The following A1CF variants were observed in gnomAD, a reference collection of about 807,000 sequenced individuals.
The protein encoded by A1CF is APOBEC1 complementation factor, also known as APOBEC-1 stimulating protein.
A neutral mutation model predicts 68.9 loss-of-function variants in A1CF; 48 were observed. That is an observed-to-expected ratio of 0.70 (90% CI 0.55 to 0.89). A1CF has a LOEUF of 0.89. A1CF is among the 40% of genes least tolerant of loss of function. The pLI, the probability that A1CF is intolerant of heterozygous loss-of-function variation, is 0.00. For missense variants in A1CF, 653 were observed against 718.9 expected (o/e 0.91, Z 1.05); for synonymous variants, 272 against 260.4 (o/e 1.04, Z -0.43).
chr10:50,841,514 G>T (rs1470804233), intron 5 of A1CF, among the ~76,000 whole-genome samples: 1 of 152,082 alleles, frequency 6.6e-6, no homozygotes, highest in Non-Finnish European at 1.5e-5. Flanking sequence ...TCCCTGGTTT[G>T]ATTTTTTCAT....
intron 3 of A1CF, among the ~76,000 whole-genome samples, chr10:50,846,464 T>A (rs562604348): frequency 1.3e-5 from 2 of 152,316 alleles, no homozygotes; most frequent in East Asian, 3.9e-4. Context: ...TGAGCCCATT[T>A]TTATGTATCT....
intron 1 of A1CF, among the ~76,000 whole-genome samples, chr10:50,875,370 A>G (rs1841461764): frequency 6.6e-6 from 1 of 152,218 alleles, no homozygotes; most frequent in Admixed American, 6.5e-5. Flanking sequence ...AGATATTTAT[A>G]TGACCACTGC....
chr10:50,859,650 A>G (rs1029770780), intron 3 of A1CF, among the ~76,000 whole-genome samples, 192 bp downstream of exon 3: 4 of 152,238 alleles, frequency 2.6e-5, no homozygotes, highest in Non-Finnish European at 5.9e-5. Context: ...TTGATAACCT[A>G]GAGTAGAAAG....
intron 5 of A1CF, among the ~76,000 whole-genome samples, chr10:50,836,647 G>C (rs949802986): frequency 6.6e-6 from 1 of 150,602 alleles, no homozygotes; most frequent in Non-Finnish European, 1.5e-5. Flanking sequence ...CCATTAACTC[G>C]TCATTTGCAT....
At chr10:50,883,031 A>C (rs1046500187) in intron 1 of A1CF, among the ~76,000 whole-genome samples, 3 of 152,192 alleles carry the variant, frequency 2.0e-5, no homozygotes, top group Non-Finnish European at 4.4e-5. Context: ...TGTGTGCTTT[A>C]ATACTAAAAA....
rs1838018784 is a variant in A1CF at position 50,809,935 on chromosome 10, C to T, written c.1568G>A (p.Gly523Asp). ...AGCAGCAGCAGCAGTAGCCATGGTGCCATCGCCTCCATCAGTGGGGATGCC... is the reference window on the plus strand; with the variant it reads ...AGCAGCAGCAGCAGTAGCCATGGTGTCATCGCCTCCATCAGTGGGGATGCC... ...TLGIPTDGGD[G>D]TMATAAAAAT... The change falls in exon 12 of 13, where the codon GGC (glycine) becomes GAC (aspartate). Residue 523 changes from glycine (G) to aspartate (D), a missense_variant. Gly to Asp is a moderately conservative substitution (Grantham distance 94). Coordinates refer to ENST00000373997, the MANE Select transcript of A1CF (RefSeq NM_014576.4). 1 of 1,613,880 alleles carries T rather than the reference C, an allele frequency of 6.2e-7. No homozygotes were observed. Among genetic ancestry groups the T allele is most frequent in the African/African-American group, 1.3e-5 (1 of 74,932 alleles).
intron 1 of A1CF, among the ~76,000 whole-genome samples, chr10:50,876,835 A>C (rs921043475): frequency 2.0e-5 from 3 of 152,238 alleles, no homozygotes; most frequent in African/African-American, 2.4e-5. Flanking sequence ...TTACATATTT[A>C]TATGCATACT....
At chr10:50,814,345 A>G (rs911356678) in intron 9 of A1CF, among the ~76,000 whole-genome samples, 1 of 152,180 alleles carries the variant, frequency 6.6e-6, no homozygotes, top group Non-Finnish European at 1.5e-5. Context: ...AAAATTTGCA[A>G]TTTTTGTCTT....
In A1CF at chr10:50,816,020, G is replaced by A. The variant is rs764103263; in HGVS notation, c.1127C>T (p.Ala376Val). The A allele has an allele frequency of 3.1e-6, 5 of 1,613,632 alleles. No homozygotes were observed. The South Asian group carries it at 5.5e-5, about 18-fold the overall frequency. ...GHLSNRAIIR[A>V]PSVRGAAGVR... is the part of the protein sequence containing the mutation. ...ACTGGTGTTACCTCTAACAGAAGGG[G>A]CTCGGATAATGGCTCTGTTGCTGAG... The change falls in exon 9 of 13, where the codon GCC (alanine) becomes GTC (valine). Residue 376 changes from alanine (A) to valine (V), a missense_variant. Physicochemically the swap from Ala to Val is moderately conservative, Grantham distance 64 (BLOSUM62 0). Coordinates refer to ENST00000373997, the MANE Select transcript of A1CF (RefSeq NM_014576.4).
intron 5 of A1CF, among the ~76,000 whole-genome samples, chr10:50,837,265 C>A (rs1839546782): frequency 1.3e-5 from 2 of 152,094 alleles, no homozygotes; most frequent in Admixed American, 6.5e-5. Context: ...AGGAATGAAA[C>A]CTAGCTGTGG....
intron 12 of A1CF, 91 bp downstream of exon 12, chr10:50,809,803 T>TA: frequency 6.4e-7 from 1 of 1,555,042 alleles, no homozygotes; most frequent in Non-Finnish European, 8.7e-7. Context: ...GTAAGTAGGG[T>TA]ACACAAACAT....
chr10:50,816,247 T>C lies in A1CF; in HGVS notation c.900A>G (p.Leu300=). 1 of 1,613,442 alleles carries C rather than the reference T, an allele frequency of 6.2e-7. No homozygotes were observed. The highest frequency in any genetic ancestry group is 8.5e-7 in the Non-Finnish European group (1 of 1,179,640). Residue 300 remains leucine (L), a synonymous_variant, in exon 9 of 13, where the codon CTA becomes CTG. Coordinates refer to ENST00000373997, the MANE Select transcript of A1CF (RefSeq NM_014576.4). ...AACTGTCCTTGTCCACTGGTTTTGCTAGGGTGACTTCAATGGGGGAACCAT... is the reference window on the plus strand; with the variant it reads ...AACTGTCCTTGTCCACTGGTTTTGCCAGGGTGACTTCAATGGGGGAACCAT... The part of the protein sequence containing the change: ...VLDGSPIEVT[L]AKPVDKDSYV...
intron 4 of A1CF, among the ~76,000 whole-genome samples, chr10:50,843,396 T>C (rs900044281): frequency 6.6e-6 from 1 of 152,216 alleles, no homozygotes; most frequent in African/African-American, 2.4e-5. Context: ...TAAATTCTTA[T>C]ATTTACTAAA....
At chr10:50,877,687 T>G (rs1841573648) in intron 1 of A1CF, among the ~76,000 whole-genome samples, 2 of 152,342 alleles carry the variant, frequency 1.3e-5, no homozygotes. Context: ...ATGAAAATAA[T>G]AAAGTCTTAG....
At chr10:50,875,285 T>TAA (rs34382480) in intron 1 of A1CF, among the ~76,000 whole-genome samples, 1 of 152,060 alleles carries the variant, frequency 6.6e-6, no homozygotes, top group Non-Finnish European at 1.5e-5. Flanking sequence ...TGAAGTACCT[T>TAA]AAAAAATCTG....
At position 50,841,923 on chromosome 10, in the gene A1CF, T is replaced by G. The variant is rs1263950101; in HGVS notation, c.304A>C (p.Thr102Pro). 2 of 1,612,974 alleles carry G rather than the reference T, an allele frequency of 1.2e-6. No homozygotes were observed. Among genetic ancestry groups the G allele is most frequent in the Non-Finnish European group, 1.7e-6 (2 of 1,179,350 alleles). ...TTGGCTTCCACTTTATTTGAAAATG[T>G]TACAAATGCATATCCTCTATTGTTG... ...NGNNRGYAFV[T>P]FSNKVEAKNA... The change falls in exon 5 of 13, where the codon ACA (threonine) becomes CCA (proline). Residue 102 changes from threonine (T) to proline (P), a missense_variant. Physicochemically the swap from Thr to Pro is conservative, Grantham distance 38. Transcript: ENST00000373997.
intron 6 of A1CF, among the ~76,000 whole-genome samples, chr10:50,831,873 C>G (rs1256614659): frequency 6.6e-6 from 1 of 152,054 alleles, no homozygotes; most frequent in Non-Finnish European, 1.5e-5. Context: ...TGAGTTATCA[C>G]CTCACACCTG....
rs575670583 is a variant in A1CF, at chr10:50,861,311, A to T, written c.-45-1326T>A. Among the ~76,000 whole-genome samples, 3 of 150,466 alleles carry T rather than the reference A, an allele frequency of 2.0e-5. No homozygotes were observed. In the East Asian group the frequency reaches 5.8e-4, roughly 29 times the overall value. On this transcript the variant is annotated intron_variant, in intron 2 of 12. Transcript: ENST00000373997. ...ACCTACTAATATTAGTATTAATAGT[A>T]CTACTATTACTGATAGCACTAATAT...
rs150211922 is a variant in A1CF, at chr10:50,829,565, T to C, written c.605-1270A>G. Among the ~76,000 whole-genome samples, 23 of 152,296 alleles carry C rather than the reference T, an allele frequency of 1.5e-4. No individual in the cohort carries two copies. The East Asian group carries it at 3.9e-3, about 26-fold the overall frequency. ...GGCATTCTAAAACCCAAATGAAGAA[T>C]AGGCATGTCTTAAGAGATAACTGAC... is the stretch of plus-strand genomic sequence containing the variant. On this transcript the variant is annotated intron_variant, in intron 6 of 12. Coordinates refer to ENST00000373997, the MANE Select transcript of A1CF (RefSeq NM_014576.4).
Sources: allele counts gnomAD v4.1 joint callset (sites outside exome capture counted in the v4.1 genomes callset), GRCh38; gene constraint gnomAD v4.1.1; transcripts MANE v1.5; gene names NCBI Gene and HGNC (gene_info 2026-07-23, HGNC 2026-07-21).